DSCAM: variants seen among roughly 807,000 people sequenced by gnomAD.
DSCAM encodes cell adhesion molecule DSCAM.
Under a neutral mutation model 217.7 loss-of-function variants are expected in DSCAM, and 47 were observed. The ratio of observed to expected loss-of-function variants is 0.22; its 90% confidence interval spans 0.17 to 0.28. The LOEUF is 0.28. DSCAM is among the 10% of genes least tolerant of loss of function. The probability of loss-of-function intolerance (pLI) is 1.00; values close to 1 mark genes in which losing one functional copy is unlikely to be tolerated. For missense variants in DSCAM, 2,080 were observed against 2,618.3 expected (o/e 0.79, Z 4.49); for synonymous variants, 1,056 against 1,015.3 (o/e 1.04, Z -0.76).
intron 3 of DSCAM, among the ~76,000 whole-genome samples, chr21:40,670,180 A>G (rs1363975444): frequency 2.0e-5 from 3 of 152,248 alleles, no homozygotes; most frequent in Admixed American, 1.3e-4. Flanking sequence ...GGTAAAGTAC[A>G]TGTAACATAA....
chr21:40,287,285 T>G (rs936125890), intron 10 of DSCAM, among the ~76,000 whole-genome samples: 2 of 152,264 alleles, frequency 1.3e-5, no homozygotes, highest in Non-Finnish European at 2.9e-5. Flanking sequence ...AGGGACTGAC[T>G]TGGTCATCTC....
intron 27 of DSCAM, among the ~76,000 whole-genome samples, chr21:40,063,592 C>T (rs927750088): frequency 6.6e-6 from 1 of 152,104 alleles, no homozygotes; most frequent in Middle Eastern, 3.4e-3. Flanking sequence ...ATGAATGTTT[C>T]CTTACTTAGA....
chr21:40,241,215 G>GA (rs2073148269), intron 11 of DSCAM, among the ~76,000 whole-genome samples: 1 of 152,156 alleles, frequency 6.6e-6, no homozygotes, highest in African/African-American at 2.4e-5. Flanking sequence ...TACAGAATGT[G>GA]AGAAAATATT....
rs536634695 is a variant in DSCAM at position 40,032,512 on chromosome 21, A to G, written c.5686+9859T>C. Among the ~76,000 whole-genome samples, 4 of 152,254 alleles carry G rather than the reference A, an allele frequency of 2.6e-5. No homozygotes were observed. In the South Asian group the frequency reaches 8.3e-4, roughly 32 times the overall value. The stretch of plus-strand genomic sequence containing the variant: ...GAGTCCCTGCACATGGGCCTCTGAT[A>G]TCAATCTCACATTATTTATTTAGGG... On this transcript the variant is annotated intron_variant, in intron 32 of 32. Transcript: ENST00000400454.
intron 8 of DSCAM, among the ~76,000 whole-genome samples, chr21:40,318,022 G>A (rs535704033): frequency 6.6e-6 from 1 of 152,170 alleles, no homozygotes; most frequent in African/African-American, 2.4e-5. Context: ...TTTTATGGCT[G>A]TATAGTATTC....
At chr21:40,585,419 C>CAAAAAAAA (rs71186946) in intron 3 of DSCAM, among the ~76,000 whole-genome samples, 45 of 86,774 alleles carry the variant, frequency 5.2e-4, no homozygotes, top group South Asian at 1.0e-3. Context: ...GACTCCGTCT[C>CAAAAAAAA]AAAAAAAAAA....
At chr21:40,494,635 CA>C (rs561718117) in intron 3 of DSCAM, among the ~76,000 whole-genome samples, 158 of 147,520 alleles carry the variant, frequency 1.1e-3, no homozygotes, top group Non-Finnish European at 1.8e-3. Context: ...AAGTTTTTAA[CA>C]AAAAAACTTT....
chr21:40,147,394 C>A (rs2090369577), intron 16 of DSCAM, among the ~76,000 whole-genome samples: 1 of 152,178 alleles, frequency 6.6e-6, no homozygotes, highest in Non-Finnish European at 1.5e-5. Flanking sequence ...GGTGAAAACC[C>A]ATCCTAACTA....
At chr21:40,312,446 G>A (rs1305113368) in intron 8 of DSCAM, 87 bp from the exon 9 acceptor site, 2 of 1,436,324 alleles carry the variant, frequency 1.4e-6, no homozygotes, top group African/African-American at 1.4e-5. Flanking sequence ...TGAAAGGGTA[G>A]TACAGACGAT....
chr21:40,203,175 G>A (rs2091088435), intron 11 of DSCAM, among the ~76,000 whole-genome samples: 1 of 152,228 alleles, frequency 6.6e-6, no homozygotes, highest in South Asian at 2.1e-4. Flanking sequence ...GGGTATGGAT[G>A]CATGAACAAC....
chr21:40,300,466 C>T (rs765690122), intron 9 of DSCAM, among the ~76,000 whole-genome samples: 20 of 152,206 alleles, frequency 1.3e-4, no homozygotes, highest in South Asian at 4.1e-4. Flanking sequence ...TCTGTCCACC[C>T]GGCTTCAGCA....
intron 3 of DSCAM, among the ~76,000 whole-genome samples, chr21:40,435,172 C>T (rs1221936229): frequency 2.0e-5 from 3 of 152,304 alleles, no homozygotes; most frequent in South Asian, 2.1e-4. Flanking sequence ...TGTGAGGTGG[C>T]GTGGCACACC....
intron 3 of DSCAM, among the ~76,000 whole-genome samples, chr21:40,451,527 A>G (rs904038000): frequency 6.6e-6 from 1 of 152,156 alleles, no homozygotes; most frequent in African/African-American, 2.4e-5. Context: ...TGGGGCTCGT[A>G]TCATGTCATA....
chr21:40,813,645 GTT>G (rs869088003), intron 1 of DSCAM, among the ~76,000 whole-genome samples: 18 of 126,456 alleles, frequency 1.4e-4, no homozygotes, highest in Admixed American at 1.6e-4. Context: ...TTTCTTTCTT[GTT>G]TTTTTTTTTT....
intron 32 of DSCAM, among the ~76,000 whole-genome samples, chr21:40,022,279 C>A (rs992336711): frequency 1.3e-5 from 2 of 152,222 alleles, no homozygotes; most frequent in East Asian, 3.9e-4. Flanking sequence ...ACTATTGATA[C>A]CTATTGGTCA....
At chr21:40,060,627 A>G (rs960918773) in intron 28 of DSCAM, among the ~76,000 whole-genome samples, 1 of 152,226 alleles carries the variant, frequency 6.6e-6, no homozygotes, top group Admixed American at 6.5e-5. Context: ...CTAAAGGGCT[A>G]CTGTGCCTAC....
At chr21:40,557,869 G>A (rs1332415747) in intron 3 of DSCAM, among the ~76,000 whole-genome samples, 2 of 152,116 alleles carry the variant, frequency 1.3e-5, no homozygotes, top group African/African-American at 2.4e-5. Context: ...CACACGCACT[G>A]ATATCTCACT....
At chr21:40,543,809 C>T (rs2076560137) in intron 3 of DSCAM, among the ~76,000 whole-genome samples, 1 of 152,118 alleles carries the variant, frequency 6.6e-6, no homozygotes, top group Non-Finnish European at 1.5e-5. Flanking sequence ...TAAATGACAA[C>T]TATTATTATT....
intron 1 of DSCAM, among the ~76,000 whole-genome samples, chr21:40,790,089 C>G (rs1371205913): frequency 6.6e-6 from 1 of 152,054 alleles, no homozygotes; most frequent in East Asian, 1.9e-4. Flanking sequence ...TTTCTAATAT[C>G]AGAGGTTCAC....
Sources: gnomAD v4.1 joint callset for allele counts (sites outside exome capture counted in the v4.1 genomes callset) on GRCh38, gnomAD v4.1.1 for gene constraint, MANE v1.5 for transcripts, NCBI Gene and HGNC (gene_info 2026-07-23, HGNC 2026-07-21) for gene names.